Variants in PARD3 observed in about 807,000 individuals in gnomAD.
PARD3 encodes partitioning defective 3 homolog.
A neutral mutation model predicts 155.4 loss-of-function variants in PARD3; 75 were observed. The observed-to-expected ratio is 0.48, with a 90% CI of 0.40 to 0.58. PARD3 has a LOEUF of 0.58. PARD3 is among the 20% of genes least tolerant of loss of function. The probability of loss-of-function intolerance (pLI) is 0.00; values close to 1 mark genes in which losing one functional copy is unlikely to be tolerated. For synonymous variants in PARD3, 576 were observed against 610.5 expected, an observed-to-expected ratio of 0.94 and a Z score of 0.83; for missense variants, 1,642 against 1,721.7, an observed-to-expected ratio of 0.95 and a Z score of 0.82.
intron 2 of PARD3, among the ~76,000 whole-genome samples, chr10:34,695,678 G>T (rs2094156489): frequency 6.6e-6 from 1 of 152,106 alleles, no homozygotes; most frequent in South Asian, 2.1e-4. Context: ...CAAACTCACA[G>T]ACCACAGTAA....
intron 7 of PARD3, among the ~76,000 whole-genome samples, chr10:34,398,415 T>C (rs1294230272): frequency 6.6e-6 from 1 of 152,052 alleles, no homozygotes. Flanking sequence ...ACCCTCCAAC[T>C]TCCCCACTTT....
chr10:34,657,528 TTTTGTTTG>T (rs113292161), intron 2 of PARD3, among the ~76,000 whole-genome samples: 21 of 150,352 alleles, frequency 1.4e-4, no homozygotes, highest in Admixed American at 2.6e-4. Context: ...CTCAGTTTTG[TTTTGTTTG>T]TTTGTTTGTT....
chr10:34,630,484 T>C (rs2092214613), intron 2 of PARD3, among the ~76,000 whole-genome samples: 1 of 150,792 alleles, frequency 6.6e-6, no homozygotes. Context: ...GGTCTTCCTC[T>C]ATTACACAGG....
At chr10:34,541,659 A>G (rs1192789380) in intron 2 of PARD3, among the ~76,000 whole-genome samples, 1 of 152,228 alleles carries the variant, frequency 6.6e-6, no homozygotes, top group Non-Finnish European at 1.5e-5. Flanking sequence ...CCTAAACTGC[A>G]GCTAATTTTT....
intron 1 of PARD3, among the ~76,000 whole-genome samples, chr10:34,768,022 T>A (rs970139452): frequency 6.6e-6 from 1 of 152,134 alleles, no homozygotes; most frequent in South Asian, 2.1e-4. Context: ...AAAACATATG[T>A]GCAATTTTTT....
chr10:34,203,938 G>T (rs1214616640), intron 22 of PARD3, among the ~76,000 whole-genome samples: 2 of 152,198 alleles, frequency 1.3e-5, no homozygotes, highest in Non-Finnish European at 2.9e-5. Flanking sequence ...TTCAAAGAAG[G>T]TTCTAAATGC....
intron 22 of PARD3, among the ~76,000 whole-genome samples, chr10:34,224,745 T>C (rs527467670): frequency 1.3e-5 from 2 of 152,216 alleles, no homozygotes; most frequent in Non-Finnish European, 2.9e-5. Flanking sequence ...GTGGAACTGG[T>C]CGCGTGTCTG....
At chr10:34,264,520 C>T (rs995841654) in intron 22 of PARD3, among the ~76,000 whole-genome samples, 11 of 152,144 alleles carry the variant, frequency 7.2e-5, no homozygotes, top group Admixed American at 5.2e-4. Flanking sequence ...GACCAGACTG[C>T]TATCCTCTTC....
At chr10:34,685,273 T>C (rs1207607025) in intron 2 of PARD3, among the ~76,000 whole-genome samples, 2 of 152,210 alleles carry the variant, frequency 1.3e-5, no homozygotes, top group Admixed American at 6.5e-5. Context: ...GTAGGATTTA[T>C]GATAAGGTAT....
chr10:34,369,570 C>T (rs1276354714), intron 12 of PARD3, among the ~76,000 whole-genome samples: 2 of 152,100 alleles, frequency 1.3e-5, no homozygotes, highest in Non-Finnish European at 2.9e-5. Context: ...CAATGTTAAG[C>T]ATTAGAGGTG....
intron 2 of PARD3, among the ~76,000 whole-genome samples, chr10:34,531,857 C>T (rs938128446): frequency 6.6e-6 from 1 of 152,144 alleles, no homozygotes; most frequent in Non-Finnish European, 1.5e-5. Flanking sequence ...ATGAAAAATG[C>T]ATGAGAACCA....
At chr10:34,351,384 G>A (rs912242172) in intron 14 of PARD3, among the ~76,000 whole-genome samples, 2 of 152,116 alleles carry the variant, frequency 1.3e-5, no homozygotes, top group Non-Finnish European at 2.9e-5. Flanking sequence ...ACATTATGTG[G>A]AAATAGGCTG....
chr10:34,697,347 T>C (rs760056492), intron 1 of PARD3, among the ~76,000 whole-genome samples: 3 of 152,190 alleles, frequency 2.0e-5, no homozygotes, highest in Non-Finnish European at 4.4e-5. Flanking sequence ...CCATTCTTCA[T>C]ACCTAAAGAT....
intron 1 of PARD3, among the ~76,000 whole-genome samples, chr10:34,797,589 C>A (rs1842413511): frequency 1.3e-5 from 2 of 152,204 alleles, no homozygotes; most frequent in Admixed American, 6.5e-5. Flanking sequence ...GCAACTCTTG[C>A]AAGAGAAGTA....
intron 22 of PARD3, among the ~76,000 whole-genome samples, chr10:34,262,024 C>A (rs1313811871): frequency 6.6e-6 from 1 of 152,156 alleles, no homozygotes; most frequent in Non-Finnish European, 1.5e-5. Context: ...CAAACTAACT[C>A]ATACTGGAGT....
At chr10:34,613,968 A>T (rs1244158947) in intron 2 of PARD3, among the ~76,000 whole-genome samples, 1 of 152,096 alleles carries the variant, frequency 6.6e-6, no homozygotes, top group Non-Finnish European at 1.5e-5. Context: ...AGCAAACATT[A>T]AGAATGTACT....
chr10:34,420,940 C>T (rs1846128424), intron 5 of PARD3, among the ~76,000 whole-genome samples: 1 of 152,084 alleles, frequency 6.6e-6, no homozygotes. Flanking sequence ...CTTTGGGAGG[C>T]CAAGGTCGGG....
rs1019633592 is a variant in PARD3, at chr10:34,730,287, T to C, written c.121-33868A>G. Among the ~76,000 whole-genome samples, 4 of 151,926 alleles carry C rather than the reference T, an allele frequency of 2.6e-5. No individual in the cohort carries two copies. In the South Asian group the frequency reaches 8.3e-4, roughly 32 times the overall value. Reference sequence around the variant, plus strand: ...CGCATCTACAAATCTCACCTCTCTCTCTCCAAAATCCAATTTTTTTTTTCC... The same window carrying C: ...CGCATCTACAAATCTCACCTCTCTCCCTCCAAAATCCAATTTTTTTTTTCC... On this transcript the variant is annotated intron_variant, in intron 1 of 24. Coordinates refer to ENST00000374788, the MANE Select transcript of PARD3 (RefSeq NM_001184785.2).
In PARD3 at chr10:34,768,954, C is replaced by T. The variant is rs79472811; in HGVS notation, c.120+45922G>A. Among the ~76,000 whole-genome samples, 490 of 152,346 alleles carry T rather than the reference C, an allele frequency of 3.2e-3. 3 individuals are homozygous for T. The highest frequency in any genetic ancestry group is 0.01 in the African/African-American group (434 of 41,594). ...CACCCTCGGTGCCCAAACTTTACCG[C>T]TCAGCCCACCTAAGATACACTGCTC... is the stretch of plus-strand genomic sequence containing the variant. On this transcript the variant is annotated intron_variant, in intron 1 of 24. Coordinates refer to ENST00000374788, the MANE Select transcript of PARD3 (RefSeq NM_001184785.2).
Sources: gnomAD v4.1 joint callset for allele counts (sites outside exome capture counted in the v4.1 genomes callset) on GRCh38, gnomAD v4.1.1 for gene constraint, MANE v1.5 for transcripts, NCBI Gene and HGNC (gene_info 2026-07-23, HGNC 2026-07-21) for gene names.